KCTD8: variants seen among roughly 807,000 people sequenced by gnomAD.
The protein encoded by KCTD8 is potassium channel tetramerization domain containing 8.
Under a neutral mutation model 31.5 loss-of-function variants are expected in KCTD8, and 27 were observed. The observed-to-expected ratio is 0.86, with a 90% CI of 0.63 to 1.18. The LOEUF is 1.18. KCTD8 is among the 50% of genes most tolerant of loss of function. The probability of loss-of-function intolerance (pLI) is 0.00; values close to 1 mark genes in which losing one functional copy is unlikely to be tolerated. For synonymous variants in KCTD8, 290 were observed against 280.0 expected, an observed-to-expected ratio of 1.04 and a Z score of -0.36; for missense variants, 658 against 647.7, an observed-to-expected ratio of 1.02 and a Z score of -0.17.
At chr4:44,343,121 A>G (rs1718948587) in intron 1 of KCTD8, among the ~76,000 whole-genome samples, 1 of 152,198 alleles carries the variant, frequency 6.6e-6, no homozygotes, top group African/African-American at 2.4e-5. Context: ...TAAAAGGCCT[A>G]GCTTTTGATC....
At position 44,362,219 on chromosome 4, in the gene KCTD8, G is replaced by A. The variant is rs552215664; in HGVS notation, c.961+85344C>T. Among the ~76,000 whole-genome samples the A allele has an allele frequency of 3.3e-5, 5 of 152,234 alleles. No homozygotes were observed. In the East Asian group the frequency reaches 7.7e-4, roughly 24 times the overall value. On this transcript the variant is annotated intron_variant, in intron 1 of 1. Transcript: ENST00000360029. The stretch of plus-strand genomic sequence containing the variant: ...AGGTGAGTCAATGCAAGTGTAGGCA[G>A]GTTGTCTGAGACCAAATTTTGGTTG...
chr4:44,378,267 A>T (rs907829464), intron 1 of KCTD8, among the ~76,000 whole-genome samples: 6 of 143,656 alleles, frequency 4.2e-5, no homozygotes, highest in Non-Finnish European at 9.2e-5. Flanking sequence ...ATCTCCATGT[A>T]TGTGTATTAG....
intron 1 of KCTD8, among the ~76,000 whole-genome samples, chr4:44,291,166 G>A (rs1178082519): frequency 6.6e-6 from 1 of 152,016 alleles, no homozygotes; most frequent in Non-Finnish European, 1.5e-5. Context: ...TATATTCAGA[G>A]ACTATTATGA....
intron 1 of KCTD8, among the ~76,000 whole-genome samples, chr4:44,354,090 C>T (rs1276796525): frequency 2.6e-5 from 4 of 152,080 alleles, no homozygotes; most frequent in African/African-American, 9.7e-5. Flanking sequence ...ACTTCTAATG[C>T]TTAGTTTTTT....
At chr4:44,216,917 C>T (rs558221989) in intron 1 of KCTD8, among the ~76,000 whole-genome samples, 1 of 152,258 alleles carries the variant, frequency 6.6e-6, no homozygotes, top group African/African-American at 2.4e-5. Flanking sequence ...AAAGGAGATG[C>T]ATCTTTCTTG....
At chr4:44,331,451 T>C (rs1275119605) in intron 1 of KCTD8, among the ~76,000 whole-genome samples, 2 of 151,664 alleles carry the variant, frequency 1.3e-5, no homozygotes, top group Non-Finnish European at 1.5e-5. Context: ...TTATTTATCA[T>C]ATTATAAAGA....
At chr4:44,203,934 A>G (rs1233910034) in intron 1 of KCTD8, among the ~76,000 whole-genome samples, 1 of 151,888 alleles carries the variant, frequency 6.6e-6, no homozygotes, top group Admixed American at 6.6e-5. Flanking sequence ...TAATTTCAAG[A>G]TTTAGTAATA....
intron 1 of KCTD8, among the ~76,000 whole-genome samples, chr4:44,187,990 CAT>C (rs551883465): frequency 5.3e-4 from 75 of 142,242 alleles, no homozygotes; most frequent in East Asian, 4.9e-3. Context: ...CACACACACA[CAT>C]ATATATATAC....
intron 1 of KCTD8, among the ~76,000 whole-genome samples, chr4:44,332,032 C>A (rs1718602794): frequency 6.6e-6 from 1 of 151,722 alleles, no homozygotes; most frequent in African/African-American, 2.4e-5. Flanking sequence ...AGTAGATACT[C>A]TCAACTGAAA....
At chr4:44,299,996 C>G (rs555838120) in intron 1 of KCTD8, among the ~76,000 whole-genome samples, 1 of 151,998 alleles carries the variant, frequency 6.6e-6, no homozygotes, top group African/African-American at 2.4e-5. Flanking sequence ...CGTGACCACC[C>G]GCCTCGGCCT....
At chr4:44,232,761 ATGTTT>A (rs1715161469) in intron 1 of KCTD8, among the ~76,000 whole-genome samples, 1 of 152,164 alleles carries the variant, frequency 6.6e-6, no homozygotes, top group South Asian at 2.1e-4. Context: ...AGTAGCTGCT[ATGTTT>A]TATTTCTAAG....
chr4:44,350,666 T>A (rs59332168), intron 1 of KCTD8, among the ~76,000 whole-genome samples: 12,584 of 152,158 alleles, frequency 0.083, 898 homozygotes, highest in East Asian at 0.2. Flanking sequence ...TATATTTTTT[T>A]AAAATGAATA....
chr4:44,305,851 C>T (rs537470630), intron 1 of KCTD8, among the ~76,000 whole-genome samples: 6 of 151,808 alleles, frequency 4.0e-5, no homozygotes, highest in South Asian at 4.1e-4. Flanking sequence ...CAAAGATTTG[C>T]TATCATAATA....
At chr4:44,213,969 A>G (rs1314570985) in intron 1 of KCTD8, among the ~76,000 whole-genome samples, 1 of 152,226 alleles carries the variant, frequency 6.6e-6, no homozygotes, top group African/African-American at 2.4e-5. Flanking sequence ...TACCAGAAAG[A>G]GAACAAGTCT....
intron 1 of KCTD8, among the ~76,000 whole-genome samples, chr4:44,327,385 T>G (rs1213827759): frequency 6.6e-6 from 1 of 151,856 alleles, no homozygotes; most frequent in Non-Finnish European, 1.5e-5. Context: ...CTCTATTTCC[T>G]TGTAATTATA....
chr4:44,243,201 G>C (rs536544929), intron 1 of KCTD8, among the ~76,000 whole-genome samples: 25 of 152,276 alleles, frequency 1.6e-4, no homozygotes, highest in African/African-American at 5.8e-4. Flanking sequence ...TTGTTCATGG[G>C]TTCCAGCGAA....
chr4:44,243,462 A>G (rs1303225744), intron 1 of KCTD8, among the ~76,000 whole-genome samples: 6 of 152,178 alleles, frequency 3.9e-5, no homozygotes, highest in Admixed American at 2.0e-4. Context: ...CTCTGAGACT[A>G]TATGCATACA....
At chr4:44,284,683 C>T (rs930168490) in intron 1 of KCTD8, among the ~76,000 whole-genome samples, 1 of 152,120 alleles carries the variant, frequency 6.6e-6, no homozygotes, top group Non-Finnish European at 1.5e-5. Context: ...AGTGAACAGG[C>T]AACCTACAGA....
chr4:44,387,953 G>A (rs544250411), intron 1 of KCTD8, among the ~76,000 whole-genome samples: 5 of 149,768 alleles, frequency 3.3e-5, no homozygotes, highest in East Asian at 3.9e-4. Flanking sequence ...GAAAATTTTC[G>A]CAAACTATGC....
Sources: gnomAD v4.1 joint callset for allele counts (sites outside exome capture counted in the v4.1 genomes callset) on GRCh38, gnomAD v4.1.1 for gene constraint, MANE v1.5 for transcripts, NCBI Gene and HGNC (gene_info 2026-07-23, HGNC 2026-07-21) for gene names.